The following NEK6 variants were observed in gnomAD, a reference collection of about 807,000 sequenced individuals.
NEK6 encodes serine/threonine-protein kinase Nek6.
A neutral mutation model predicts 43.5 loss-of-function variants in NEK6; 27 were observed. The observed-to-expected ratio is 0.62, with a 90% CI of 0.46 to 0.86. The LOEUF is 0.86. Ranked by LOEUF, NEK6 falls within the 40% of genes least tolerant of loss-of-function variation. The probability of loss-of-function intolerance (pLI) is 0.00; values close to 1 mark genes in which losing one functional copy is unlikely to be tolerated. For missense variants in NEK6, 318 were observed against 414.4 expected (o/e 0.77, Z 2.02); for synonymous variants, 167 against 164.1 (o/e 1.02, Z -0.14).
chr9:124,317,966 A>G (rs1833898658), intron 4 of NEK6, among the ~76,000 whole-genome samples: 1 of 152,194 alleles, frequency 6.6e-6, no homozygotes, highest in South Asian at 2.1e-4. Flanking sequence ...GCTTTTATGA[A>G]TAGCGCCGTG....
chr9:124,278,755 A>G (rs1185393376), intron 1 of NEK6, among the ~76,000 whole-genome samples: 1 of 152,100 alleles, frequency 6.6e-6, no homozygotes, highest in Non-Finnish European at 1.5e-5. Context: ...GGAGACTGAG[A>G]CTCAGAGAGG....
chr9:124,294,657 C>G (rs779298621), intron 1 of NEK6, among the ~76,000 whole-genome samples: 2 of 151,960 alleles, frequency 1.3e-5, no homozygotes, highest in Non-Finnish European at 2.9e-5. Flanking sequence ...AGGGGGACCG[C>G]TCATTTAATA....
intron 1 of NEK6, among the ~76,000 whole-genome samples, chr9:124,295,566 C>T (rs1832647064): frequency 6.6e-6 from 1 of 152,228 alleles, no homozygotes; most frequent in African/African-American, 2.4e-5. Flanking sequence ...CTGCCTGCCG[C>T]CTGCTGTGTG....
intron 8 of NEK6, among the ~76,000 whole-genome samples, chr9:124,342,822 A>AAACACACACACAGCATATG (rs1829712596): frequency 6.6e-6 from 1 of 152,192 alleles, no homozygotes; most frequent in African/African-American, 2.4e-5. Flanking sequence ...CTCCACACAT[A>AAACACACACACAGCATATG]AACACACACA....
chr9:124,303,281 T>C (rs190850748), intron 2 of NEK6, among the ~76,000 whole-genome samples: 16 of 152,338 alleles, frequency 1.1e-4, no homozygotes, highest in East Asian at 1.9e-4. Context: ...GGTTCAGAGA[T>C]AGCCACCCTC....
At chr9:124,295,086 C>G (rs1832617652) in intron 1 of NEK6, among the ~76,000 whole-genome samples, 1 of 152,202 alleles carries the variant, frequency 6.6e-6, no homozygotes, top group Non-Finnish European at 1.5e-5. Flanking sequence ...TGCAGGCCCA[C>G]CCTGGGGGAG....
At chr9:124,346,110 C>T (rs895484677) in intron 8 of NEK6, among the ~76,000 whole-genome samples, 1 of 152,184 alleles carries the variant, frequency 6.6e-6, no homozygotes, top group African/African-American at 2.4e-5. Context: ...GTGATGCTGT[C>T]CCTAAACACC....
rs1225948071 is a variant in NEK6, at chr9:124,350,825, T to G, written c.832-12T>G. On this transcript the variant is annotated splice_polypyrimidine_tract_variant and intron_variant, in intron 9 of 9. Transcript: ENST00000320246. The stretch of plus-strand genomic sequence containing the variant: ...CTTTCTTGAGAATAACACACCATTC[T>G]CTCCCCTGCAGTTACGAGAACTGGT... The G allele has an allele frequency of 6.3e-7, 1 of 1,596,762 alleles. No homozygotes were observed.
At chr9:124,257,927 G>A (rs1830868309), upstream of NEK6, 1 of 974,160 alleles carries the variant, frequency 1.0e-6, no homozygotes. Flanking sequence ...GGGCGGGCGC[G>A]CGGGCGCGCG....
rs192000279 is a variant in NEK6 at position 124,278,518 on chromosome 9, G to C, written c.-30+20433G>C. Among the ~76,000 whole-genome samples the C allele has an allele frequency of 7.6e-3, 1,158 of 152,176 alleles. 15 individuals are homozygous for C. Among genetic ancestry groups the C allele is most frequent in the Non-Finnish European group, 9.5e-3 (649 of 67,982 alleles). ...CTAGCCCACAAGCCCTCACCCCCTC[G>C]CAGACCCAGGTGGCTGCAGGAGGAT... is the stretch of plus-strand genomic sequence containing the variant. On this transcript the variant is annotated intron_variant, in intron 1 of 9. Coordinates refer to ENST00000320246, the MANE Select transcript of NEK6 (RefSeq NM_014397.6).
chr9:124,314,469 GGTA>G (rs1050389256), intron 4 of NEK6, among the ~76,000 whole-genome samples: 12 of 151,202 alleles, frequency 7.9e-5, no homozygotes, highest in African/African-American at 2.4e-4. Context: ...TGGTTTTGTT[GGTA>G]GTGGTGGTGG....
intron 7 of NEK6, among the ~76,000 whole-genome samples, chr9:124,328,841 C>A (rs569400863): frequency 6.6e-6 from 1 of 152,174 alleles, no homozygotes; most frequent in African/African-American, 2.4e-5. Flanking sequence ...AAACTCTTGT[C>A]CCCACCTGGC....
intron 9 of NEK6, among the ~76,000 whole-genome samples, chr9:124,349,309 G>A (rs768512864): frequency 1.3e-5 from 2 of 152,190 alleles, no homozygotes; most frequent in South Asian, 2.1e-4. Flanking sequence ...TTCTGAATTC[G>A]GACTTGTGTA....
chr9:124,317,684 C>T (rs994076843), intron 4 of NEK6, among the ~76,000 whole-genome samples: 1 of 152,246 alleles, frequency 6.6e-6, no homozygotes, highest in African/African-American at 2.4e-5. Context: ...CTCCCGCCCC[C>T]TCTTGTAGAG....
Position 124,350,501 on chromosome 9 carries a change from G to GACAC in NEK6, c.832-308_832-305dup, listed in dbSNP as rs55896623. 1.1e-3 allele frequency among the ~76,000 whole-genome samples: 159 copies of GACAC among 150,820 alleles called. 1 individual carries two copies. Among genetic ancestry groups the GACAC allele is most frequent in the African/African-American group, 2.7e-3 (110 of 41,180 alleles). On this transcript the variant is annotated intron_variant, in intron 9 of 9. Coordinates refer to ENST00000320246, the MANE Select transcript of NEK6 (RefSeq NM_014397.6). ...TTGGGCATCTGCGTGACTGACAGCA[G>GACAC]ACACACACACACACACACACACACA...
At chr9:124,288,895 C>T (rs1832276114) in intron 1 of NEK6, among the ~76,000 whole-genome samples, 1 of 152,144 alleles carries the variant, frequency 6.6e-6, no homozygotes, top group Non-Finnish European at 1.5e-5. Context: ...TCCCTGCAGC[C>T]CCCTTCATTG....
intron 7 of NEK6, among the ~76,000 whole-genome samples, chr9:124,334,941 G>T (rs112839811): frequency 6.6e-6 from 1 of 152,206 alleles, no homozygotes; most frequent in Non-Finnish European, 1.5e-5. Flanking sequence ...GAGACTCAGG[G>T]TGGGAAGAGC....
intron 1 of NEK6, 107 bp from the exon 2 acceptor site, chr9:124,301,829 G>A (rs1832992906): frequency 5.6e-6 from 5 of 890,822 alleles, no homozygotes; most frequent in African/African-American, 3.3e-5. Context: ...ATTACTGAAC[G>A]GCTTTGCACC....
At chr9:124,341,981 G>A (rs971195117) in intron 8 of NEK6, among the ~76,000 whole-genome samples, 24 of 152,268 alleles carry the variant, frequency 1.6e-4, no homozygotes, top group African/African-American at 5.5e-4. Flanking sequence ...GTTGAGTGGC[G>A]CAGAGCCACT....
Sources: gnomAD v4.1 joint callset for allele counts (sites outside exome capture counted in the v4.1 genomes callset) on GRCh38, gnomAD v4.1.1 for gene constraint, MANE v1.5 for transcripts, NCBI Gene and HGNC (gene_info 2026-07-23, HGNC 2026-07-21) for gene names.